Variants in RIMS2 observed in about 807,000 individuals in gnomAD.
RIMS2 encodes the protein regulating synaptic membrane exocytosis protein 2.
Under a neutral mutation model 174.4 loss-of-function variants are expected in RIMS2, and 59 were observed. The ratio of observed to expected loss-of-function variants is 0.34; its 90% CI spans 0.27 to 0.42. The LOEUF (loss-of-function observed/expected upper bound fraction) is 0.42. Ranked by LOEUF, RIMS2 falls within the 10% of genes least tolerant of loss-of-function variation. The pLI is 1.00. For synonymous variants in RIMS2, 606 were observed against 572.5 expected (o/e 1.06, Z -0.84); for missense variants, 1,620 against 1,666.3 (o/e 0.97, Z 0.48).
In RIMS2 at chr8:103,500,787, T is replaced by A; in HGVS notation, c.-100T>A. ...TTGAAGGCCATTGATTTGTATGTAT[T>A]TGTCCCAGCGCTGGAGGCTGCCCCA... On this transcript the variant is annotated 5_prime_UTR_variant, in exon 1 of 24. In the 5' UTR this introduces an upstream ATG that the reference lacks. Coordinates refer to ENST00000504942, the Ensembl canonical transcript of RIMS2. 1.5e-6 allele frequency: 1 copy of A among 656,432 alleles called. No homozygotes were observed. 40.7% of individuals were successfully genotyped at this position (656,432 alleles called of 1,614,324 possible). A position where few individuals can be genotyped will look rare whatever the true frequency, so the allele number is the denominator to read the frequency against.
intron 1 of RIMS2, among the ~76,000 whole-genome samples, chr8:103,685,207 C>T (rs961548702): frequency 6.6e-6 from 1 of 151,486 alleles, no homozygotes; most frequent in African/African-American, 2.4e-5. Context: ...TTATTTGGCT[C>T]ATGGTTCTGC....
chr8:103,746,981 CAT>C (rs756326422), intron 2 of RIMS2, among the ~76,000 whole-genome samples: 106 of 152,052 alleles, frequency 7.0e-4, no homozygotes, highest in Non-Finnish European at 1.2e-3. Context: ...TTAGTGAGAA[CAT>C]GTGGTATTTG....
intron 1 of RIMS2, among the ~76,000 whole-genome samples, chr8:103,611,973 T>C (rs928844059): frequency 1.6e-4 from 24 of 152,096 alleles, no homozygotes; most frequent in Admixed American, 1.3e-3. Context: ...TTTTTATTTT[T>C]TTTCTCTTTT....
At chr8:103,567,814 T>G (rs1267628771) in intron 1 of RIMS2, among the ~76,000 whole-genome samples, 1 of 152,372 alleles carries the variant, frequency 6.6e-6, no homozygotes, top group African/African-American at 2.4e-5. Context: ...CACATCCTTC[T>G]CAACACTTGT....
chr8:103,594,540 C>T (rs2094409556), intron 1 of RIMS2, among the ~76,000 whole-genome samples: 1 of 151,618 alleles, frequency 6.6e-6, no homozygotes, highest in South Asian at 2.1e-4. Flanking sequence ...CCTATATATT[C>T]CTCCCTGGGA....
intron 19 of RIMS2, among the ~76,000 whole-genome samples, chr8:104,110,130 A>T (rs1028977782): frequency 6.6e-6 from 1 of 152,190 alleles, no homozygotes; most frequent in African/African-American, 2.4e-5. Flanking sequence ...TTTATAAGCC[A>T]CTTAAATTTC....
chr8:103,780,012 C>T (rs768063371), intron 3 of RIMS2, among the ~76,000 whole-genome samples: 1 of 151,906 alleles, frequency 6.6e-6, no homozygotes, highest in Non-Finnish European at 1.5e-5. Context: ...CAGTACCATA[C>T]TGATTTGGTT....
At chr8:104,174,988 A>G (rs1235673972) in intron 19 of RIMS2, among the ~76,000 whole-genome samples, 1 of 152,252 alleles carries the variant, frequency 6.6e-6, no homozygotes, top group Non-Finnish European at 1.5e-5. Context: ...TTAAGCCAAA[A>G]TAGTGAATTT....
chr8:103,996,310 G>A (rs1401303687), intron 17 of RIMS2, among the ~76,000 whole-genome samples: 2 of 151,892 alleles, frequency 1.3e-5, no homozygotes, highest in Non-Finnish European at 1.5e-5. Flanking sequence ...AAAAAATAGA[G>A]TTTGAAAACC....
rs1406293058 is a variant in RIMS2 at position 103,725,312 on chromosome 8, A to T, written c.387+28016A>T. On this transcript the variant is annotated intron_variant, in intron 2 of 23. Coordinates refer to ENST00000504942, the Ensembl canonical transcript of RIMS2. Reference sequence around the variant, plus strand: ...ATTTTGAAAGATATGTATATTCCCAATGTGCCTAGCACCACATCAAGATAT... The same window carrying T: ...ATTTTGAAAGATATGTATATTCCCATTGTGCCTAGCACCACATCAAGATAT... Among the ~76,000 whole-genome samples, 4 of 152,130 alleles carry T rather than the reference A, an allele frequency of 2.6e-5. No homozygotes were observed. In the East Asian group the frequency reaches 7.7e-4, roughly 29 times the overall value.
intron 19 of RIMS2, among the ~76,000 whole-genome samples, chr8:104,081,433 G>C (rs1478410423): frequency 1.3e-5 from 2 of 151,798 alleles, no homozygotes; most frequent in Non-Finnish European, 2.9e-5. Flanking sequence ...CTTACAAGTA[G>C]TGTTATTTTA....
intron 1 of RIMS2, among the ~76,000 whole-genome samples, chr8:103,544,548 C>T (rs559096922): frequency 1.5e-3 from 230 of 152,342 alleles, no homozygotes; most frequent in Admixed American, 3.1e-3. Context: ...CTACCCTCCC[C>T]CACCTCTTAC....
intron 19 of RIMS2, among the ~76,000 whole-genome samples, chr8:104,107,979 C>CCA (rs2098109779): frequency 7.2e-6 from 1 of 139,686 alleles, no homozygotes; most frequent in African/African-American, 2.7e-5. Context: ...CCCCCCCCCA[C>CCA]AATGGAAATA....
At chr8:103,982,830 A>G (rs1027281310) in intron 16 of RIMS2, among the ~76,000 whole-genome samples, 68 of 152,206 alleles carry the variant, frequency 4.5e-4, no homozygotes, top group African/African-American at 1.6e-3. Context: ...CTTTCCTCTA[A>G]GATCTGGAAC....
chr8:104,234,252 A>T (rs1295605557), intron 19 of RIMS2, among the ~76,000 whole-genome samples: 1 of 152,142 alleles, frequency 6.6e-6, no homozygotes, highest in Non-Finnish European at 1.5e-5. Flanking sequence ...TTGAACTCAT[A>T]TCATCTGATT....
chr8:104,164,781 A>G (rs1264609278), intron 19 of RIMS2, among the ~76,000 whole-genome samples: 1 of 152,152 alleles, frequency 6.6e-6, no homozygotes, highest in Non-Finnish European at 1.5e-5. Flanking sequence ...GAGGGGAACA[A>G]CACACACTGG....
intron 2 of RIMS2, among the ~76,000 whole-genome samples, chr8:103,746,636 T>G (rs1189676735): frequency 6.6e-6 from 1 of 152,048 alleles, no homozygotes; most frequent in African/African-American, 2.4e-5. Context: ...ACAGTGTGTG[T>G]GTTGTTCTCT....
At chr8:103,613,383 A>G (rs2095432059) in intron 1 of RIMS2, among the ~76,000 whole-genome samples, 1 of 152,274 alleles carries the variant, frequency 6.6e-6, no homozygotes, top group South Asian at 2.1e-4. Flanking sequence ...ATGTTCACTT[A>G]ACGCCCAAGG....
chr8:103,808,210 A>G (rs1220048322), intron 3 of RIMS2, among the ~76,000 whole-genome samples: 3 of 152,044 alleles, frequency 2.0e-5, no homozygotes, highest in Admixed American at 6.6e-5. Context: ...GTTGATCATA[A>G]TATTTTTCTT....
Sources: gnomAD v4.1 joint callset for allele counts (sites outside exome capture counted in the v4.1 genomes callset) on GRCh38, gnomAD v4.1.1 for gene constraint, MANE v1.5 for transcripts, NCBI Gene and HGNC (gene_info 2026-07-23, HGNC 2026-07-21) for gene names.